Variants in TRPM7 observed in about 807,000 individuals in gnomAD.
TRPM7 encodes the protein LTRPC ion channel family member 7.
In TRPM7, 134 loss-of-function variants were observed where a neutral mutation model predicts 229.7. The observed-to-expected ratio is 0.58, with a 90% CI of 0.51 to 0.67. TRPM7 has a LOEUF of 0.67. Ranked by LOEUF, TRPM7 falls within the 30% of genes least tolerant of loss-of-function variation. TRPM7 has a pLI of 0.00. For missense variants in TRPM7, 1,901 were observed against 2,210.0 expected (o/e 0.86, Z 2.80); for synonymous variants, 699 against 715.2 (o/e 0.98, Z 0.36).
At chr15:50,628,470 C>T (rs1161136715) in intron 10 of TRPM7, among the ~76,000 whole-genome samples, 1 of 152,070 alleles carries the variant, frequency 6.6e-6, no homozygotes, top group African/African-American at 2.4e-5. Flanking sequence ...CCACACCCAG[C>T]TAATTTTTTA....
At chr15:50,593,790 C>A in intron 24 of TRPM7, 41 bp from the exon 25 acceptor site, 1 of 1,569,264 alleles carries the variant, frequency 6.4e-7, no homozygotes, top group South Asian at 1.2e-5. Flanking sequence ...GAAGAGCTAT[C>A]AAGGTTTCAA....
At position 50,583,028 on chromosome 15, in the gene TRPM7, C is replaced by T. The variant is rs1040379632; in HGVS notation, c.4557+61G>A. 8 of 1,224,934 alleles carry T rather than the reference C, an allele frequency of 6.5e-6. No individual in the cohort carries two copies. The Middle Eastern group carries it at 8.5e-4, about 130-fold the overall frequency. 75.9% of individuals were successfully genotyped at this position (1,224,934 alleles called of 1,614,324 possible). A position where few individuals can be genotyped will look rare whatever the true frequency, so the allele number is the denominator to read the frequency against. ...TCCCAAATATCACCACTTTGTAGATCTTATCTAAAAAAGTTTAATGTATTT... is the reference window on the plus strand; with the variant it reads ...TCCCAAATATCACCACTTTGTAGATTTTATCTAAAAAAGTTTAATGTATTT... On this transcript the variant is annotated intron_variant, in intron 29 of 38. Transcript: ENST00000646667.
Position 50,611,123 on chromosome 15 carries a change from C to T in TRPM7, c.2250G>A (p.Arg750=). The change falls in exon 17 of 39, where the codon AGG becomes AGA. Residue 750 remains arginine (R), a synonymous_variant. Coordinates refer to ENST00000646667, the MANE Select transcript of TRPM7 (RefSeq NM_017672.6). The stretch of plus-strand genomic sequence containing the variant: ...ACCAGGAATTTTTCCTCATATTCAG[C>T]CTTCCCATCCACATATCAGATAACA... ...QMLLSDMWMG[R]LNMRKNSWYK... is the part of the protein sequence containing the mutation. The T allele has an allele frequency of 1.2e-6, 2 of 1,613,740 alleles. No individual in the cohort carries two copies. The highest frequency in any genetic ancestry group is 1.7e-6 in the Non-Finnish European group (2 of 1,179,796).
At chr15:50,625,096 T>C (rs10519283) in intron 11 of TRPM7, among the ~76,000 whole-genome samples, 2 of 152,090 alleles carry the variant, frequency 1.3e-5, no homozygotes, top group Non-Finnish European at 2.9e-5. Context: ...ATTGGTAAAT[T>C]AGTAGGGACA....
In TRPM7 at chr15:50,589,612, T is replaced by G; in HGVS notation, c.4369A>C (p.Asn1457His). 6.3e-7 allele frequency: 1 copy of G among 1,589,984 alleles called. No individual in the cohort carries two copies. The highest frequency in any genetic ancestry group is 1.7e-4 in the Middle Eastern group (1 of 5,960). ...MDLQRFKETS[N>H]KIKILSNNNT... ...CTTACGGATAGTATTTTTATCTTGT[T>G]TGATGTTTCTTTAAACCTCTGTAAA... The change falls in exon 27 of 39, where the codon AAC (asparagine) becomes CAC (histidine). Residue 1457 changes from asparagine (N) to histidine (H), a missense_variant. By Grantham distance (68) the Asn-to-His change is moderately conservative. Transcript: ENST00000646667.
At chr15:50,651,288 G>A (rs934015823) in intron 3 of TRPM7, among the ~76,000 whole-genome samples, 8 of 152,126 alleles carry the variant, frequency 5.3e-5, no homozygotes, top group East Asian at 1.9e-4. Flanking sequence ...AGAAAAGAAC[G>A]AGATGATGGA....
intron 2 of TRPM7, among the ~76,000 whole-genome samples, chr15:50,661,978 G>A (rs1012622460): frequency 2.6e-5 from 4 of 152,176 alleles, no homozygotes; most frequent in African/African-American, 9.7e-5. Context: ...AGCACTCTGA[G>A]AGGCCAAGGC....
intron 7 of TRPM7, among the ~76,000 whole-genome samples, chr15:50,637,129 G>GAAAGA (rs540523904): frequency 1.5e-5 from 2 of 133,238 alleles, no homozygotes; most frequent in African/African-American, 5.7e-5. Flanking sequence ...CCGCCTCAAA[G>GAAAGA]AAAAAAAAAA....
chr15:50,631,448 T>G lies in TRPM7; in HGVS notation c.1173A>C (p.Ile391=). Residue 391 remains isoleucine, a synonymous_variant, in exon 10 of 39, where the codon ATA becomes ATC. Coordinates refer to ENST00000646667, the MANE Select transcript of TRPM7 (RefSeq NM_017672.6). ...GCAGTGCAGTAAGTATTGCTACATC[T>G]ATATCTTGATGTTCATCTGACCCAA... ...FHIGSDEHQD[I]DVAILTALLK... is the part of the protein sequence containing the mutation. 1 of 1,610,714 alleles carries G rather than the reference T, an allele frequency of 6.2e-7. No homozygotes were observed. Among genetic ancestry groups the G allele is most frequent in the Non-Finnish European group, 8.5e-7 (1 of 1,177,612 alleles).
At chr15:50,610,281 T>A (rs1013986609) in intron 17 of TRPM7, among the ~76,000 whole-genome samples, 1 of 152,128 alleles carries the variant, frequency 6.6e-6, no homozygotes. Flanking sequence ...AAAAATACAT[T>A]TTGTTTAAAC....
chr15:50,676,448 G>C (rs957499588), intron 1 of TRPM7, among the ~76,000 whole-genome samples: 6 of 152,086 alleles, frequency 3.9e-5, no homozygotes, highest in African/African-American at 1.4e-4. Context: ...GCTAGACACA[G>C]TGGCTCACAC....
At position 50,632,995 on chromosome 15, in the gene TRPM7, G is replaced by T; in HGVS notation, c.1008-3C>A. On this transcript the variant is annotated splice_polypyrimidine_tract_variant and splice_region_variant and intron_variant, in intron 8 of 38. Coordinates refer to ENST00000646667, the MANE Select transcript of TRPM7 (RefSeq NM_017672.6). ...GCTCTGCTGCATCAGGAAGATTCCT[G>T]GAATAAAAGGAAACATAATTCACTG... The T allele has an allele frequency of 6.4e-7, 1 of 1,574,756 alleles. No individual in the cohort carries two copies. The highest frequency in any genetic ancestry group is 2.0e-5 in the Admixed American group (1 of 48,964).
At chr15:50,632,530 A>T (rs2060769070) in intron 9 of TRPM7, among the ~76,000 whole-genome samples, 1 of 152,112 alleles carries the variant, frequency 6.6e-6, no homozygotes, top group Non-Finnish European at 1.5e-5. Context: ...CACATTAAAA[A>T]TTTTTTTCCA....
chr15:50,650,467 G>A (rs1368846454), intron 3 of TRPM7, among the ~76,000 whole-genome samples: 1 of 152,014 alleles, frequency 6.6e-6, no homozygotes, highest in Non-Finnish European at 1.5e-5. Context: ...AGCCAAGGTG[G>A]ATGGATCACC....
chr15:50,641,816 A>G (rs2061109460), intron 5 of TRPM7, among the ~76,000 whole-genome samples: 1 of 152,068 alleles, frequency 6.6e-6, no homozygotes. Context: ...CTTGACCAAC[A>G]TAGTGAAACC....
chr15:50,643,653 T>C (rs138807501), intron 4 of TRPM7, 100 bp from the exon 5 acceptor site: 14 of 827,456 alleles, frequency 1.7e-5, no homozygotes, highest in Non-Finnish European at 2.7e-5. Context: ...AATCAGATTA[T>C]GTAAAAAGAG....
intron 38 of TRPM7, among the ~76,000 whole-genome samples, chr15:50,567,301 A>G (rs1193220074): frequency 6.6e-6 from 1 of 152,002 alleles, no homozygotes; most frequent in Non-Finnish European, 1.5e-5. Context: ...AGCATTAGGT[A>G]TATCTCCCAA....
chr15:50,594,269 T>C (rs1005793367), intron 24 of TRPM7, among the ~76,000 whole-genome samples, 160 bp downstream of exon 24: 11 of 152,218 alleles, frequency 7.2e-5, no homozygotes, highest in Admixed American at 4.6e-4. Flanking sequence ...ATAGATATCA[T>C]ATTGCACTTA....
At chr15:50,576,289 G>A (rs74346014) in intron 31 of TRPM7, among the ~76,000 whole-genome samples, 5,297 of 152,252 alleles carry the variant, frequency 0.035, 311 homozygotes, top group African/African-American at 0.12. Flanking sequence ...ACCATGAGAA[G>A]ATGAACTTCT....
Sources: allele counts gnomAD v4.1 joint callset (sites outside exome capture counted in the v4.1 genomes callset), GRCh38; gene constraint gnomAD v4.1.1; transcripts MANE v1.5; gene names NCBI Gene and HGNC (gene_info 2026-07-23, HGNC 2026-07-21).